CHN2: variants seen among roughly 807,000 people sequenced by gnomAD.
CHN2 encodes the protein beta-chimaerin.
CHN2 carries 35 observed loss-of-function variants against 56.3 expected under a neutral mutation model. The ratio of observed to expected loss-of-function variants is 0.62; its 90% CI spans 0.47 to 0.82. The LOEUF is 0.82. Among genes scored for constraint, CHN2 ranks in the 40% least tolerant of loss-of-function variants. CHN2 has a pLI of 0.00. For synonymous variants in CHN2, 210 were observed against 212.8 expected, an observed-to-expected ratio of 0.99 and a Z score of 0.12; for missense variants, 491 against 580.5, an observed-to-expected ratio of 0.85 and a Z score of 1.58.
At chr7:29,340,881 A>C (rs910805154) in intron 1 of CHN2, among the ~76,000 whole-genome samples, 5 of 152,234 alleles carry the variant, frequency 3.3e-5, no homozygotes, top group Non-Finnish European at 5.9e-5. Flanking sequence ...TGGCACCCAC[A>C]TGCTGCCTTA....
chr7:29,387,619 G>T (rs1368292774), intron 3 of CHN2, among the ~76,000 whole-genome samples: 1 of 152,154 alleles, frequency 6.6e-6, no homozygotes, highest in African/African-American at 2.4e-5. Flanking sequence ...AATACTGCTG[G>T]CCCCGTGATC....
At chr7:29,310,310 G>A (rs1325823671) in intron 1 of CHN2, among the ~76,000 whole-genome samples, 1 of 152,130 alleles carries the variant, frequency 6.6e-6, no homozygotes, top group African/African-American at 2.4e-5. Flanking sequence ...TGAACATGTA[G>A]AAGAATATTG....
intron 3 of CHN2, among the ~76,000 whole-genome samples, chr7:29,369,981 C>T (rs899929536): frequency 2.6e-5 from 4 of 152,166 alleles, no homozygotes; most frequent in South Asian, 2.1e-4. Flanking sequence ...CGAAACCTAA[C>T]GTGAAATGGA....
intron 1 of CHN2, among the ~76,000 whole-genome samples, chr7:29,260,954 C>T (rs1789496428): frequency 6.6e-6 from 1 of 152,146 alleles, no homozygotes; most frequent in Non-Finnish European, 1.5e-5. Context: ...ATTGTATTTT[C>T]TTTCTAATAT....
intron 1 of CHN2, among the ~76,000 whole-genome samples, chr7:29,338,413 A>C (rs777948981): frequency 1.7e-4 from 26 of 152,222 alleles, no homozygotes; most frequent in Non-Finnish European, 2.9e-4. Flanking sequence ...GTAATGAAGA[A>C]AAGTATGCTT....
chr7:29,241,835 G>A (rs1321993234), intron 1 of CHN2, among the ~76,000 whole-genome samples: 3 of 151,988 alleles, frequency 2.0e-5, no homozygotes, highest in Non-Finnish European at 4.4e-5. Context: ...TAGTTTGAGA[G>A]GTAAATAAAC....
rs553246471 is a variant in CHN2 at position 29,314,828 on chromosome 7, G to T, written c.50-39797G>T. Among the ~76,000 whole-genome samples, 13 of 151,686 alleles carry T rather than the reference G, an allele frequency of 8.6e-5. 1 individual carries two copies. The South Asian group carries it at 1.5e-3, about 17-fold the overall frequency. On this transcript the variant is annotated intron_variant, in intron 1 of 12. Coordinates refer to ENST00000222792, the MANE Select transcript of CHN2 (RefSeq NM_004067.4). ...CTTTACTGCTGTTTATTTTTCTAGC[G>T]TCTTATAAGCTGTTTATTTATGTTT...
At chr7:29,242,500 C>A (rs1294885059) in intron 1 of CHN2, among the ~76,000 whole-genome samples, 1 of 152,020 alleles carries the variant, frequency 6.6e-6, no homozygotes, top group African/African-American at 2.4e-5. Flanking sequence ...AAGGCATCAG[C>A]CGTTTGCTTG....
chr7:29,210,324 C>A lies in CHN2; in HGVS notation c.49+15334C>A, dbSNP rs532234030. 3.9e-4 allele frequency among the ~76,000 whole-genome samples: 60 copies of A among 152,226 alleles called. 1 individual carries two copies. The highest frequency in any genetic ancestry group is 3.5e-3 in the South Asian group (17 of 4,820). ...TTTCAGTCTTCACTCTTAGTAAGCCCAGAGGTAGTCCAAGTATGCTCCAAG... is the reference window on the plus strand; with the variant it reads ...TTTCAGTCTTCACTCTTAGTAAGCCAAGAGGTAGTCCAAGTATGCTCCAAG... On this transcript the variant is annotated intron_variant, in intron 1 of 12. Transcript: ENST00000222792.
intron 1 of CHN2, among the ~76,000 whole-genome samples, chr7:29,224,138 T>G (rs930239626): frequency 3.3e-5 from 5 of 152,132 alleles, no homozygotes; most frequent in Admixed American, 1.3e-4. Flanking sequence ...AATTGGAACA[T>G]TCTAAGGGCT....
rs376350352 is a variant in CHN2, at chr7:29,423,031, T to G, written c.576+22203T>G. The stretch of plus-strand genomic sequence containing the variant: ...TCCTTCTTCAGGCTGCTTTTGACTT[T>G]GGCCTGTTCGTACCAAACCTTGCCT... On this transcript the variant is annotated intron_variant, in intron 6 of 12. Transcript: ENST00000222792. Among the ~76,000 whole-genome samples the G allele has an allele frequency of 5.3e-5, 8 of 152,378 alleles. No homozygotes were observed. In the East Asian group the frequency reaches 1.3e-3, roughly 26 times the overall value.
intron 1 of CHN2, chr7:29,288,796 C>A (rs1792356659): frequency 6.6e-6 from 1 of 152,288 alleles, no homozygotes; most frequent in South Asian, 2.1e-4. Context: ...CAGTGTTAGT[C>A]TTCCTTTTTC....
intron 1 of CHN2, among the ~76,000 whole-genome samples, chr7:29,262,294 A>T (rs1374949131): frequency 8.5e-5 from 13 of 152,248 alleles, no homozygotes; most frequent in Non-Finnish European, 1.9e-4. Flanking sequence ...AATTAGCACC[A>T]TGTAGAATAT....
At chr7:29,355,772 ATTTTTT>A (rs1167339692) in intron 2 of CHN2, among the ~76,000 whole-genome samples, 18 of 52,388 alleles carry the variant, frequency 3.4e-4, no homozygotes, top group African/African-American at 1.1e-3. Flanking sequence ...AGATGGGACT[ATTTTTT>A]TTTTTTTTTT....
intron 2 of CHN2, among the ~76,000 whole-genome samples, chr7:29,363,767 G>A (rs542730268): frequency 2.0e-5 from 3 of 152,186 alleles, no homozygotes; most frequent in Non-Finnish European, 4.4e-5. Flanking sequence ...GATAAGGTGA[G>A]GTTTAAGCAG....
At chr7:29,401,754 G>A (rs1802223804) in intron 6 of CHN2, among the ~76,000 whole-genome samples, 1 of 152,204 alleles carries the variant, frequency 6.6e-6, no homozygotes, top group South Asian at 2.1e-4. Flanking sequence ...GCAGGCGGGG[G>A]GTAGATTGTG....
chr7:29,277,944 C>T (rs1791367554), intron 1 of CHN2, among the ~76,000 whole-genome samples: 1 of 152,166 alleles, frequency 6.6e-6, no homozygotes, highest in African/African-American at 2.4e-5. Flanking sequence ...TTGTTATTAT[C>T]CCCATTTTAC....
intron 6 of CHN2, among the ~76,000 whole-genome samples, chr7:29,454,848 A>G (rs1784636892): frequency 6.6e-6 from 1 of 152,078 alleles, no homozygotes; most frequent in South Asian, 2.1e-4. Flanking sequence ...TACTGTATCT[A>G]AAGTATGTGT....
At chr7:29,509,535 C>T (rs1415787103) in intron 12 of CHN2, 129 bp downstream of exon 12, 1 of 669,238 alleles carries the variant, frequency 1.5e-6, no homozygotes, top group Non-Finnish European at 2.6e-6. Flanking sequence ...ACTCCAGGCA[C>T]TTTCAGTGTA....
Sources: allele counts gnomAD v4.1 joint callset (sites outside exome capture counted in the v4.1 genomes callset), GRCh38; gene constraint gnomAD v4.1.1; transcripts MANE v1.5; gene names NCBI Gene and HGNC (gene_info 2026-07-23, HGNC 2026-07-21).